PSEN1: variants seen among roughly 807,000 people sequenced by gnomAD.
PSEN1 encodes the protein presenilin 1.
A neutral mutation model predicts 53.5 loss-of-function variants in PSEN1; 15 were observed. The ratio of observed to expected loss-of-function variants is 0.28; its 90% confidence interval spans 0.19 to 0.43. The LOEUF is 0.43. Ranked by LOEUF, PSEN1 falls within the 20% of genes least tolerant of loss-of-function variation. The pLI is 1.00. For synonymous variants in PSEN1, 208 were observed against 209.8 expected (o/e 0.99, Z 0.08); for missense variants, 387 against 571.2 (o/e 0.68, Z 3.29).
chr14:73,214,605 TCA>T (rs1220119394), intron 10 of PSEN1, among the ~76,000 whole-genome samples: 1 of 152,220 alleles, frequency 6.6e-6, no homozygotes, highest in East Asian at 1.9e-4. Context: ...AAATTTTTGT[TCA>T]GTTTTATTAT....
chr14:73,218,342 C>T (rs538745966), intron 11 of PSEN1, among the ~76,000 whole-genome samples: 22 of 152,144 alleles, frequency 1.4e-4, no homozygotes, highest in African/African-American at 5.1e-4. Flanking sequence ...CTGCCTCAGC[C>T]GCATAAAGTG....
In PSEN1 at chr14:73,136,539, C is replaced by T. The variant is rs200632899; in HGVS notation, c.-180C>T. ...AAACAGCGGCTGGTCTGGAAGGAAC[C>T]TGAGCTACGAGCCGCGGCGGCAGCG... On this transcript the variant is annotated 5_prime_UTR_variant, in exon 1 of 12. Transcript: ENST00000324501. The T allele has an allele frequency of 4.2e-4, 65 of 153,206 alleles. No individual in the cohort carries two copies. The highest frequency in any genetic ancestry group is 5.1e-4 in the Non-Finnish European group (35 of 68,388). 9.5% of individuals were successfully genotyped at this position (153,206 alleles called of 1,614,324 possible).
At chr14:73,173,743 G>GTT (rs1442356523) in intron 5 of PSEN1, 36 bp downstream of exon 5, 1 of 1,609,364 alleles carries the variant, frequency 6.2e-7, no homozygotes, top group Non-Finnish European at 8.5e-7. Context: ...TTTCCACCCT[G>GTT]TTCTTCTTAT....
intron 1 of PSEN1, among the ~76,000 whole-genome samples, chr14:73,144,892 T>C (rs1897026978): frequency 6.6e-6 from 1 of 152,252 alleles, no homozygotes; most frequent in South Asian, 2.1e-4. Context: ...TACCATTTAT[T>C]TATTTTATTT....
chr14:73,154,135 C>T (rs913056897), intron 3 of PSEN1, among the ~76,000 whole-genome samples: 41 of 152,038 alleles, frequency 2.7e-4, no homozygotes, highest in African/African-American at 8.7e-4. Flanking sequence ...TGCTTACATG[C>T]GTGCATGAAA....
chr14:73,205,862 A>G (rs1899434188), intron 8 of PSEN1, among the ~76,000 whole-genome samples: 1 of 152,232 alleles, frequency 6.6e-6, no homozygotes, highest in Non-Finnish European at 1.5e-5. Context: ...AGGGGCACAG[A>G]GGAGGCCTCT....
intron 1 of PSEN1, chr14:73,147,483 A>G: frequency 6.0e-6 from 1 of 165,608 alleles, no homozygotes; most frequent in South Asian, 1.5e-4. Context: ...GAAAATATAA[A>G]GATTAGGTTG....
rs141675857 is a variant in PSEN1 at position 73,182,792 on chromosome 14, C to G, written c.481-4061C>G. On this transcript the variant is annotated intron_variant, in intron 5 of 11. Transcript: ENST00000324501. ...AGGTGGAGGTTGCAGTGAGCCAAGA[C>G]CATGCTACTGCACTCCAGCCTGGGC... is the stretch of plus-strand genomic sequence containing the variant. 5.4e-3 allele frequency among the ~76,000 whole-genome samples: 818 copies of G among 151,790 alleles called. 8 individuals carry two copies. The highest frequency in any genetic ancestry group is 0.018 in the African/African-American group (754 of 41,390).
intron 1 of PSEN1, among the ~76,000 whole-genome samples, chr14:73,146,507 A>AGG (rs1897075639): frequency 6.6e-6 from 1 of 152,188 alleles, no homozygotes; most frequent in Admixed American, 6.5e-5. Context: ...CTAGCTGACA[A>AGG]TGGGCTGAAG....
At position 73,183,909 on chromosome 14, in the gene PSEN1, G is replaced by A. The variant is rs1898321981; in HGVS notation, c.481-2944G>A. ...GTGCCCCTCACCTCCCGGGCGGGGC[G>A]GCTGGCCGGGCGGGGGGCTGACCCC... On this transcript the variant is annotated intron_variant, in intron 5 of 11. Transcript: ENST00000324501. Among the ~76,000 whole-genome samples, 5 of 149,100 alleles carry A rather than the reference G, an allele frequency of 3.4e-5. 1 individual carries two copies. The highest frequency in any genetic ancestry group is 2.0e-4 in the East Asian group (1 of 4,978).
chr14:73,163,367 CAGA>C (rs1897614837), intron 3 of PSEN1, among the ~76,000 whole-genome samples: 2 of 152,280 alleles, frequency 1.3e-5, no homozygotes, highest in Admixed American at 1.3e-4. Context: ...TGCTTGAGCC[CAGA>C]AGTTCAAGAC....
chr14:73,203,925 A>C (rs571099005), intron 8 of PSEN1, among the ~76,000 whole-genome samples: 1 of 152,366 alleles, frequency 6.6e-6, no homozygotes, highest in East Asian at 1.9e-4. Flanking sequence ...AGGTAGAAGC[A>C]GGAGGATTGC....
rs577161171 is a variant in PSEN1, at chr14:73,204,126, G to A, written c.869-2260G>A. Among the ~76,000 whole-genome samples the A allele has an allele frequency of 9.2e-5, 14 of 152,246 alleles. No homozygotes were observed. The South Asian group carries it at 2.9e-3, about 32-fold the overall frequency. On this transcript the variant is annotated intron_variant, in intron 8 of 11. Coordinates refer to ENST00000324501, the MANE Select transcript of PSEN1 (RefSeq NM_000021.4). Reference sequence around the variant, plus strand: ...CAATTCTCCTGCCTCAGCCTCCCGAGTCGCCGGGATTATAGACATGCACCA... The same window carrying A: ...CAATTCTCCTGCCTCAGCCTCCCGAATCGCCGGGATTATAGACATGCACCA...
At chr14:73,176,620 A>G (rs1313651374) in intron 5 of PSEN1, among the ~76,000 whole-genome samples, 1 of 152,228 alleles carries the variant, frequency 6.6e-6, no homozygotes, top group Non-Finnish European at 1.5e-5. Context: ...CCATTTCTAA[A>G]CTACCTCTTC....
intron 3 of PSEN1, among the ~76,000 whole-genome samples, chr14:73,153,994 A>G (rs1045145180): frequency 3.9e-5 from 6 of 152,110 alleles, no homozygotes; most frequent in Non-Finnish European, 8.8e-5. Context: ...GATTACAGGC[A>G]TGAACCACCG....
intron 5 of PSEN1, among the ~76,000 whole-genome samples, chr14:73,176,680 CAT>C (rs1483029235): frequency 6.6e-6 from 1 of 152,240 alleles, no homozygotes; most frequent in African/African-American, 2.4e-5. Flanking sequence ...TGGGCAGTGA[CAT>C]GTACAGGACA....
intron 7 of PSEN1, among the ~76,000 whole-genome samples, chr14:73,196,842 C>G (rs1301633955): frequency 6.6e-6 from 1 of 151,678 alleles, no homozygotes; most frequent in Non-Finnish European, 1.5e-5. Flanking sequence ...ATCAATTCTT[C>G]CTTTACAAGT....
At position 73,219,992 on chromosome 14, in the gene PSEN1, T is replaced by C. The variant is rs202195241; in HGVS notation, c.*703T>C. ...GATTGCCATTTCTTCCCAAGGCCAG[T>C]CTGAACCTGAGGTTGCTTTATCCTA... On this transcript the variant is annotated 3_prime_UTR_variant, in exon 12 of 12. Transcript: ENST00000324501. 2 of 152,490 alleles carry C rather than the reference T, an allele frequency of 1.3e-5. No individual in the cohort carries two copies. Among genetic ancestry groups the C allele is most frequent in the Non-Finnish European group, 2.9e-5 (2 of 68,248 alleles). The allele number at this position is 152,490 out of a possible 1,614,324, so 9.4% of individuals were successfully genotyped here. A position where few individuals can be genotyped will look rare whatever the true frequency, so the allele number is the denominator to read the frequency against.
intron 3 of PSEN1, among the ~76,000 whole-genome samples, chr14:73,163,168 T>G (rs998196673): frequency 3.3e-5 from 5 of 152,210 alleles, no homozygotes; most frequent in African/African-American, 1.2e-4. Flanking sequence ...CAATAACATT[T>G]GATTGATTGA....
Sources: gnomAD v4.1 joint callset for allele counts (sites outside exome capture counted in the v4.1 genomes callset) on GRCh38, gnomAD v4.1.1 for gene constraint, MANE v1.5 for transcripts, NCBI Gene and HGNC (gene_info 2026-07-23, HGNC 2026-07-21) for gene names.